Variants in SLC25A52 observed in about 807,000 individuals in gnomAD.
The protein encoded by SLC25A52 is solute carrier family 25 member 52.
In SLC25A52, 12 loss-of-function variants were observed where a neutral mutation model predicts 17.7. That is an observed-to-expected ratio of 0.68 (90% CI 0.43 to 1.10). The LOEUF is 1.10. SLC25A52 is among the 50% of genes least tolerant of loss of function. SLC25A52 has a pLI of 0.00. For missense variants in SLC25A52, 298 were observed against 364.9 expected (o/e 0.82, Z 1.49); for synonymous variants, 108 against 135.1 (o/e 0.80, Z 1.39).
At position 31,759,952 on chromosome 18, in the gene SLC25A52, G is replaced by C. The variant is rs2031479231; in HGVS notation, c.710C>G (p.Thr237Ser). The C allele has an allele frequency of 6.2e-7, 1 of 1,611,722 alleles. No homozygotes were observed. The highest frequency in any genetic ancestry group is 1.3e-5 in the African/African-American group (1 of 74,760). The change falls in exon 1 of 1, where the codon ACT (threonine) becomes AGT (serine). Residue 237 changes from threonine (T) to serine (S), a missense_variant. Thr to Ser is a moderately conservative substitution (Grantham distance 58, BLOSUM62 1). Transcript: ENST00000269205. The part of the protein sequence containing the change: ...FLCFPINVVK[T>S]RLQSQIGGEF... Reference sequence around the variant, plus strand: ...CCCACCAATCTGAGACTGTAGGCGAGTTTTTACAACATTAATTGGAAAACA... The same window carrying C: ...CCCACCAATCTGAGACTGTAGGCGACTTTTTACAACATTAATTGGAAAACA...
chr18:31,760,176 C>T lies in SLC25A52; in HGVS notation c.486G>A (p.Lys162=). The change falls in exon 1 of 1, where the codon AAG becomes AAA. Residue 162 remains lysine, a synonymous_variant. Transcript: ENST00000269205. ...DKFTNTYQAF[K]ALKCHGIGEY... ...CTCCAATTCCATGACATTTCAGTGC[C>T]TTGAAAGCCTGATAAGTGTTGGTAA... is the stretch of plus-strand genomic sequence containing the variant. 1.2e-6 allele frequency: 2 copies of T among 1,613,896 alleles called. No individual in the cohort carries two copies. Among genetic ancestry groups the T allele is most frequent in the Non-Finnish European group, 1.7e-6 (2 of 1,179,852 alleles).
rs772696495 is a variant in SLC25A52 at position 31,759,926 on chromosome 18, C to T, written c.736G>A (p.Glu246Lys). 6.2e-7 allele frequency: 1 copy of T among 1,611,882 alleles called. No homozygotes were observed. The highest frequency in any genetic ancestry group is 1.1e-5 in the South Asian group (1 of 90,890). Residue 246 changes from glutamate (E) to lysine (K), a missense_variant, in exon 1 of 1, where the codon GAA becomes AAA. By Grantham distance (56) the Glu-to-Lys change is moderately conservative (BLOSUM62 1). Coordinates refer to ENST00000269205, the MANE Select transcript of SLC25A52 (RefSeq NM_001034172.4). Reference sequence around the variant, plus strand: ...AAAACCTTGGGGAAAGACTGAAATTCCCCACCAATCTGAGACTGTAGGCGA... The same window carrying T: ...AAAACCTTGGGGAAAGACTGAAATTTCCCACCAATCTGAGACTGTAGGCGA... Reference protein sequence around the residue: ...KTRLQSQIGGEFQSFPKVFQK... With the variant: ...KTRLQSQIGGKFQSFPKVFQK...
chr18:31,760,293 C>T lies in SLC25A52; in HGVS notation c.369G>A (p.Val123=), dbSNP rs1568006598. Residue 123 remains valine, a synonymous_variant, in exon 1 of 1, where the codon GTG becomes GTA. Transcript: ENST00000269205. ...VRAPEFATHG[V]AAVLAGTAEA... is the part of the protein sequence containing the mutation. The stretch of plus-strand genomic sequence containing the variant: ...CTGCTGTCCCTGCAAGCACTGCCGC[C>T]ACGCCATGGGTTGCAAACTCTGGAG... 1 of 1,614,032 alleles carries T rather than the reference C, an allele frequency of 6.2e-7. No homozygotes were observed. Among genetic ancestry groups the T allele is most frequent in the Admixed American group, 1.7e-5 (1 of 60,018 alleles).
chr18:31,760,359 C>T lies in SLC25A52; in HGVS notation c.303G>A (p.Leu101=), dbSNP rs538050174. Residue 101 remains leucine (L), a synonymous_variant, in exon 1 of 1, where the codon CTG becomes CTA. Coordinates refer to ENST00000269205, the MANE Select transcript of SLC25A52 (RefSeq NM_001034172.4). ...GGAGAAGGCAGGATAAATCCTCATACAGACCAAACATAAGTGCAAGCGTAG... is the reference window on the plus strand; with the variant it reads ...GGAGAAGGCAGGATAAATCCTCATATAGACCAAACATAAGTGCAAGCGTAG... The part of the protein sequence containing the change: ...KTTTLALMFG[L]YEDLSCLLRK... The T allele has an allele frequency of 1.4e-5, 22 of 1,614,212 alleles. 1 individual carries two copies. In the South Asian group the frequency reaches 2.0e-4, roughly 15 times the overall value.
Position 31,760,280 on chromosome 18 carries a change from C to T in SLC25A52, c.382G>A (p.Ala128Thr), listed in dbSNP as rs1413166877. Residue 128 changes from alanine (A) to threonine (T), a missense_variant, in exon 1 of 1, where the codon GCA (alanine) becomes ACA (threonine). Transcript: ENST00000269205. ...FATHGVAAVL[A>T]GTAEAIFTPL... ...GTGAAAATTGCTTCTGCTGTCCCTG[C>T]AAGCACTGCCGCCACGCCATGGGTT... 1 of 1,614,012 alleles carries T rather than the reference C, an allele frequency of 6.2e-7. No homozygotes were observed. Among genetic ancestry groups the T allele is most frequent in the Non-Finnish European group, 8.5e-7 (1 of 1,179,886 alleles).
Position 31,759,898 on chromosome 18 carries a change from T to C in SLC25A52, c.764A>G (p.Gln255Arg). ...GEFQSFPKVFQKIWLERDRKL... is the reference protein window; with the variant it reads ...GEFQSFPKVFRKIWLERDRKL... ...TCTGTCCCGTTCCAGCCAGATTTTT[T>C]GGAAAACCTTGGGGAAAGACTGAAA... The change falls in exon 1 of 1, where the codon CAA becomes CGA. Residue 255 changes from glutamine to arginine, a missense_variant. Coordinates refer to ENST00000269205, the MANE Select transcript of SLC25A52 (RefSeq NM_001034172.4). The C allele has an allele frequency of 6.2e-7, 1 of 1,612,562 alleles. No homozygotes were observed. The highest frequency in any genetic ancestry group is 8.5e-7 in the Non-Finnish European group (1 of 1,179,138).
rs757141203 is a variant in SLC25A52, at chr18:31,759,789, C to T, written c.873G>A (p.Glu291=). Residue 291 remains glutamate, a synonymous_variant, in exon 1 of 1, where the codon GAG becomes GAA. Transcript: ENST00000269205. ...TTTTTCATATAAATTTTAACAAGAA[C>T]TCATAAGTTGCATTGATTATGCCCC... ...ISWGIINATY[E]FLLKFI is the part of the protein sequence containing the mutation. 2.4e-5 allele frequency: 38 copies of T among 1,600,232 alleles called. No homozygotes were observed. In the South Asian group the frequency reaches 4.2e-4, roughly 18 times the overall value.
rs371910817 is a variant in SLC25A52 at position 31,760,625 on chromosome 18, T to C, written c.37A>G (p.Ile13Val). The C allele has an allele frequency of 4.3e-6, 7 of 1,612,624 alleles. No individual in the cohort carries two copies. Among genetic ancestry groups the C allele is most frequent in the African/African-American group, 1.3e-5 (1 of 74,772 alleles). The part of the protein sequence containing the change: ...DSEAHEKRPP[I>V]LTSSKQDISP... ...ATATCTTGTTTTGAAGATGTAAGTATTGGTGGCCTCTTTTCATGAGCTTCT... is the reference window on the plus strand; with the variant it reads ...ATATCTTGTTTTGAAGATGTAAGTACTGGTGGCCTCTTTTCATGAGCTTCT... The change falls in exon 1 of 1, where the codon ATA becomes GTA. Residue 13 changes from isoleucine to valine, a missense_variant. Ile to Val is a conservative substitution (Grantham distance 29). Coordinates refer to ENST00000269205, the MANE Select transcript of SLC25A52 (RefSeq NM_001034172.4).
chr18:31,760,268 C>T lies in SLC25A52; in HGVS notation c.394G>A (p.Glu132Lys). Residue 132 changes from glutamate (E) to lysine (K), a missense_variant, in exon 1 of 1, where the codon GAA becomes AAA. By Grantham distance (56) the Glu-to-Lys change is moderately conservative (BLOSUM62 1). Coordinates refer to ENST00000269205, the MANE Select transcript of SLC25A52 (RefSeq NM_001034172.4). Reference protein sequence around the residue: ...GVAAVLAGTAEAIFTPLERVQ... With the variant: ...GVAAVLAGTAKAIFTPLERVQ... Reference sequence around the variant, plus strand: ...CTTTCCAGTGGAGTGAAAATTGCTTCTGCTGTCCCTGCAAGCACTGCCGCC... The same window carrying T: ...CTTTCCAGTGGAGTGAAAATTGCTTTTGCTGTCCCTGCAAGCACTGCCGCC... The T allele has an allele frequency of 6.2e-7, 1 of 1,614,010 alleles. No homozygotes were observed. Among genetic ancestry groups the T allele is most frequent in the South Asian group, 1.1e-5 (1 of 91,076 alleles).
rs1598549521 is a variant in SLC25A52, at chr18:31,760,850, A to C, written c.-189T>G. 9 of 886,858 alleles carry C rather than the reference A, an allele frequency of 1.0e-5. No homozygotes were observed. The highest frequency in any genetic ancestry group is 1.5e-5 in the Non-Finnish European group (9 of 593,998). The allele number at this position is 886,858 out of a possible 1,614,324, so 54.9% of individuals were successfully genotyped here. On this transcript the variant is annotated 5_prime_UTR_variant, in exon 1 of 1. Transcript: ENST00000269205. ...CGTTCTCCAGGCGTCCATTTCCCCA[A>C]CCCATCGCCGCCGGCGCCCCGCAGG...
At position 31,759,701 on chromosome 18, in the gene SLC25A52, G is replaced by C; in HGVS notation, c.*67C>G. The C allele has an allele frequency of 6.6e-7, 1 of 1,520,886 alleles. No individual in the cohort carries two copies. Among genetic ancestry groups the C allele is most frequent in the Non-Finnish European group, 8.8e-7 (1 of 1,135,452 alleles). 94.2% of individuals were successfully genotyped at this position (1,520,886 alleles called of 1,614,324 possible). A position where few individuals can be genotyped will look rare whatever the true frequency, so the allele number is the denominator to read the frequency against. ...CTTGTATTTGGCCAATTAAGAAAGA[G>C]GCCAAACTGCATTCTTCTTAGAAGG... is the stretch of plus-strand genomic sequence containing the variant. On this transcript the variant is annotated 3_prime_UTR_variant, in exon 1 of 1. Transcript: ENST00000269205.
Position 31,760,778 on chromosome 18 carries a change from T to C in SLC25A52, c.-117A>G, listed in dbSNP as rs946671896. ...TTCCCAATTTCTTCCATTGTTATTG[T>C]TCTGTTAGGTTCTCTCTTCCCGAGT... On this transcript the variant is annotated 5_prime_UTR_variant, in exon 1 of 1. Transcript: ENST00000269205. 16 of 1,309,506 alleles carry C rather than the reference T, an allele frequency of 1.2e-5. No homozygotes were observed. In the African/African-American group the frequency reaches 2.1e-4, roughly 17 times the overall value. 81.1% of individuals were successfully genotyped at this position (1,309,506 alleles called of 1,614,324 possible). A position where few individuals can be genotyped will look rare whatever the true frequency, so the allele number is the denominator to read the frequency against.
Position 31,759,699 on chromosome 18 carries a change from G to C in SLC25A52, c.*69C>G, listed in dbSNP as rs1427564293. ...AACTTGTATTTGGCCAATTAAGAAA[G>C]AGGCCAAACTGCATTCTTCTTAGAA... On this transcript the variant is annotated 3_prime_UTR_variant, in exon 1 of 1. Transcript: ENST00000269205. The C allele has an allele frequency of 4.0e-6, 6 of 1,514,696 alleles. No homozygotes were observed. Among genetic ancestry groups the C allele is most frequent in the Non-Finnish European group, 5.3e-6 (6 of 1,131,188 alleles). 93.8% of individuals were successfully genotyped at this position (1,514,696 alleles called of 1,614,324 possible).
chr18:31,760,045 G>A lies in SLC25A52; in HGVS notation c.617C>T (p.Thr206Ile), dbSNP rs992499440. 2.5e-6 allele frequency: 4 copies of A among 1,611,996 alleles called. No homozygotes were observed. Among genetic ancestry groups the A allele is most frequent in the Non-Finnish European group, 2.5e-6 (3 of 1,179,874 alleles). ...PIKEHLPTAT[T>I]HSAHLVNDFI... Reference sequence around the variant, plus strand: ...ATCATTGACCAAATGAGCACTGTGAGTCGTTGCGGTAGGCAGATGCTCCTT... The same window carrying A: ...ATCATTGACCAAATGAGCACTGTGAATCGTTGCGGTAGGCAGATGCTCCTT... The change falls in exon 1 of 1, where the codon ACT becomes ATT. Residue 206 changes from threonine to isoleucine, a missense_variant. Coordinates refer to ENST00000269205, the MANE Select transcript of SLC25A52 (RefSeq NM_001034172.4).
chr18:31,759,630 A>G lies in SLC25A52; in HGVS notation c.*138T>C. The G allele has an allele frequency of 5.1e-6, 5 of 984,452 alleles. No individual in the cohort carries two copies. The highest frequency in any genetic ancestry group is 7.3e-6 in the Non-Finnish European group (5 of 683,164). The allele number at this position is 984,452 out of a possible 1,614,324, so 61.0% of individuals were successfully genotyped here. On this transcript the variant is annotated 3_prime_UTR_variant, in exon 1 of 1. Coordinates refer to ENST00000269205, the MANE Select transcript of SLC25A52 (RefSeq NM_001034172.4). ...TTCTGTTTTGTTGATGCTTAAGGAA[A>G]ACAGCTTTGCCCGTAACTCACTGTG...
chr18:31,759,704 C>T lies in SLC25A52; in HGVS notation c.*64G>A, dbSNP rs1479901890. On this transcript the variant is annotated 3_prime_UTR_variant, in exon 1 of 1. Transcript: ENST00000269205. ...GTATTTGGCCAATTAAGAAAGAGGC[C>T]AAACTGCATTCTTCTTAGAAGGTCT... 6.6e-7 allele frequency: 1 copy of T among 1,525,166 alleles called. No individual in the cohort carries two copies. The highest frequency in any genetic ancestry group is 8.8e-7 in the Non-Finnish European group (1 of 1,138,700). The allele number at this position is 1,525,166 out of a possible 1,614,324, so 94.5% of individuals were successfully genotyped here.
Position 31,759,796 on chromosome 18 carries a change from G to A in SLC25A52, c.866C>T (p.Thr289Ile). 6.3e-7 allele frequency: 1 copy of A among 1,598,050 alleles called. No homozygotes were observed. Residue 289 changes from threonine (T) to isoleucine (I), a missense_variant, in exon 1 of 1, where the codon ACT (threonine) becomes ATT (isoleucine). Transcript: ENST00000269205. ...TATAAATTTTAACAAGAACTCATAA[G>A]TTGCATTGATTATGCCCCAAGAGAT... Reference protein sequence around the residue: ...SLISWGIINATYEFLLKFI With the variant: ...SLISWGIINAIYEFLLKFI
rs1162764139 is a variant in SLC25A52, at chr18:31,760,138, C to A, written c.524G>T (p.Gly175Val). 1 of 1,613,222 alleles carries A rather than the reference C, an allele frequency of 6.2e-7. No individual in the cohort carries two copies. The highest frequency in any genetic ancestry group is 8.5e-7 in the Non-Finnish European group (1 of 1,179,854). ...ATTCCGGAAAAGAATGGGCACCAAG[C>A]CTCGATAATACTCTCCAATTCCATG... Reference protein sequence around the residue: ...KCHGIGEYYRGLVPILFRNGL... With the variant: ...KCHGIGEYYRVLVPILFRNGL... Residue 175 changes from glycine to valine, a missense_variant, in exon 1 of 1, where the codon GGC becomes GTC. By Grantham distance (109) the Gly-to-Val change is moderately radical (BLOSUM62 -3). Transcript: ENST00000269205.
chr18:31,760,699 C>A lies in SLC25A52; in HGVS notation c.-38G>T. ...CTTTCTCATGAAGGGCATTTTTTAA[C>A]CTGTGACATCATCTGAGCCTGGAGT... On this transcript the variant is annotated 5_prime_UTR_variant, in exon 1 of 1. Coordinates refer to ENST00000269205, the MANE Select transcript of SLC25A52 (RefSeq NM_001034172.4). The A allele has an allele frequency of 6.4e-7, 1 of 1,556,426 alleles. No individual in the cohort carries two copies. Among genetic ancestry groups the A allele is most frequent in the Non-Finnish European group, 8.7e-7 (1 of 1,155,180 alleles).
Sources: gnomAD v4.1 joint callset for allele counts on GRCh38, gnomAD v4.1.1 for gene constraint, MANE v1.5 for transcripts, NCBI Gene and HGNC (gene_info 2026-07-23, HGNC 2026-07-21) for gene names.